Variants in RORA observed in about 807,000 individuals in gnomAD.
RORA encodes the protein RAR related orphan receptor A.
RORA carries 7 observed loss-of-function variants against 69.5 expected under a neutral mutation model. The ratio of observed to expected loss-of-function variants is 0.10; its 90% CI spans 0.06 to 0.19. The LOEUF (loss-of-function observed/expected upper bound fraction) is 0.19, where lower values mean the gene tolerates loss of function less well. Ranked by LOEUF, RORA falls within the 10% of genes least tolerant of loss-of-function variation. The pLI is 1.00. For synonymous variants in RORA, 261 were observed against 240.8 expected, an observed-to-expected ratio of 1.08 and a Z score of -0.78; for missense variants, 457 against 663.0, an observed-to-expected ratio of 0.69 and a Z score of 3.41.
chr15:61,004,378 GTTT>G (rs35632839), intron 1 of RORA, among the ~76,000 whole-genome samples: 11 of 145,020 alleles, frequency 7.6e-5, no homozygotes, highest in African/African-American at 2.0e-4. Flanking sequence ...GAGTCTGAAT[GTTT>G]TTTTTTTTTT....
At chr15:60,670,859 A>AAAT (rs2140734961) in intron 2 of RORA, among the ~76,000 whole-genome samples, 1 of 152,084 alleles carries the variant, frequency 6.6e-6, no homozygotes, top group Non-Finnish European at 1.5e-5. Flanking sequence ...ATTTAGTGTC[A>AAAT]TCACTGAAAG....
intron 2 of RORA, among the ~76,000 whole-genome samples, chr15:60,660,980 G>A (rs2070294636): frequency 6.6e-6 from 1 of 151,142 alleles, no homozygotes; most frequent in South Asian, 2.1e-4. Flanking sequence ...GTGTTTTCCT[G>A]GACAGCTGCC....
chr15:60,541,939 T>G (rs921602680), intron 2 of RORA, among the ~76,000 whole-genome samples: 3 of 152,228 alleles, frequency 2.0e-5, no homozygotes, highest in Non-Finnish European at 4.4e-5. Context: ...TCCAAGGTGC[T>G]TCTTTTGCCT....
intron 2 of RORA, among the ~76,000 whole-genome samples, chr15:60,579,909 G>A (rs1450135230): frequency 8.5e-5 from 13 of 152,140 alleles, no homozygotes; most frequent in African/African-American, 2.9e-4. Flanking sequence ...TAGTAACACA[G>A]TTGTGTTTAT....
chr15:60,970,943 G>A lies in RORA; in HGVS notation c.166+258110C>T, dbSNP rs1893695459. ...AGAGACAGAAACATTCCTGAGCCAC[G>A]TGCAATCATCACTTATAGCAGGGGT... On this transcript the variant is annotated intron_variant, in intron 1 of 10. Transcript: ENST00000335670. Among the ~76,000 whole-genome samples, 2 of 152,184 alleles carry A rather than the reference G, an allele frequency of 1.3e-5. 1 individual carries two copies. The highest frequency in any genetic ancestry group is 1.3e-4 in the Admixed American group (2 of 15,282).
At chr15:61,158,361 G>A (rs1007814377) in intron 1 of RORA, among the ~76,000 whole-genome samples, 6 of 152,180 alleles carry the variant, frequency 3.9e-5, no homozygotes, top group African/African-American at 1.4e-4. Flanking sequence ...CAAGTTGTGG[G>A]TTCTCAACTT....
intron 1 of RORA, among the ~76,000 whole-genome samples, chr15:60,694,829 G>C (rs1470869182): frequency 6.6e-6 from 1 of 152,168 alleles, no homozygotes; most frequent in East Asian, 1.9e-4. Flanking sequence ...TAATTTCAGA[G>C]CTGTCACTAA....
intron 1 of RORA, among the ~76,000 whole-genome samples, chr15:61,120,027 A>G (rs1421483034): frequency 6.6e-6 from 1 of 152,178 alleles, no homozygotes; most frequent in Non-Finnish European, 1.5e-5. Context: ...AAAAACACAC[A>G]GTACGTTTTG....
intron 1 of RORA, among the ~76,000 whole-genome samples, chr15:61,197,379 C>G (rs945213503): frequency 1.3e-5 from 2 of 152,198 alleles, no homozygotes; most frequent in Admixed American, 6.5e-5. Flanking sequence ...TGTGGAGAAG[C>G]CTGCCAAGAG....
At chr15:60,512,782 T>C (rs1482235523) in intron 4 of RORA, among the ~76,000 whole-genome samples, 1 of 152,242 alleles carries the variant, frequency 6.6e-6, no homozygotes, top group Non-Finnish European at 1.5e-5. Flanking sequence ...GTCACTATAA[T>C]GAATAACTTT....
chr15:60,724,429 G>A (rs1043881198), intron 1 of RORA, among the ~76,000 whole-genome samples: 1 of 152,172 alleles, frequency 6.6e-6, no homozygotes, highest in Non-Finnish European at 1.5e-5. Flanking sequence ...GTATGTGGTA[G>A]AACCAAGATT....
At chr15:60,659,130 G>C (rs965892221) in intron 2 of RORA, among the ~76,000 whole-genome samples, 1 of 152,184 alleles carries the variant, frequency 6.6e-6, no homozygotes, top group African/African-American at 2.4e-5. Flanking sequence ...AAGATAATTT[G>C]GGGCCACACT....
intron 1 of RORA, among the ~76,000 whole-genome samples, chr15:60,761,163 G>A (rs911521873): frequency 6.6e-6 from 1 of 152,116 alleles, no homozygotes; most frequent in Non-Finnish European, 1.5e-5. Flanking sequence ...GGGCGACATT[G>A]CCTCTTCGAA....
intron 1 of RORA, among the ~76,000 whole-genome samples, chr15:61,142,767 T>C (rs148841783): frequency 1.3e-5 from 2 of 152,158 alleles, no homozygotes; most frequent in Non-Finnish European, 2.9e-5. Context: ...CCTATAATCA[T>C]CTTCACGGGT....
intron 2 of RORA, chr15:60,627,615 G>C: frequency 2.6e-6 from 2 of 776,676 alleles, no homozygotes; most frequent in Non-Finnish European, 3.1e-6. Flanking sequence ...TCCAAAGCTG[G>C]GCTCCTCTCT....
Position 60,621,158 on chromosome 15 carries a change from T to C in RORA, c.196+57499A>G, listed in dbSNP as rs1476565339. Among the ~76,000 whole-genome samples, 3 of 152,300 alleles carry C rather than the reference T, an allele frequency of 2.0e-5. No individual in the cohort carries two copies. The South Asian group carries it at 6.2e-4, about 32-fold the overall frequency. ...CTAAGATGTTCCTAAGAAGAACTTA[T>C]AATTTCACCCACTGTATTGTGTATC... On this transcript the variant is annotated intron_variant, in intron 2 of 10. Coordinates refer to ENST00000335670, the MANE Select transcript of RORA (RefSeq NM_134261.3).
rs147758435 is a variant in RORA at position 61,021,666 on chromosome 15, C to T, written c.166+207387G>A. Among the ~76,000 whole-genome samples, 536 of 152,292 alleles carry T rather than the reference C, an allele frequency of 3.5e-3. 2 individuals carry two copies. Among genetic ancestry groups the T allele is most frequent in the South Asian group, 0.026 (126 of 4,826 alleles). ...TGAAGAGGATCTTGCCTGCAATCCC[C>T]GGACCAGATGCACAATTCTCTTCCT... On this transcript the variant is annotated intron_variant, in intron 1 of 10. Coordinates refer to ENST00000335670, the MANE Select transcript of RORA (RefSeq NM_134261.3).
At chr15:61,056,183 C>T (rs992802044) in intron 1 of RORA, among the ~76,000 whole-genome samples, 5 of 152,018 alleles carry the variant, frequency 3.3e-5, no homozygotes, top group African/African-American at 2.4e-5. Context: ...TAGTGAGCAC[C>T]CGTTTTGGAG....
At chr15:60,586,458 G>A (rs1252601999) in intron 2 of RORA, among the ~76,000 whole-genome samples, 1 of 151,432 alleles carries the variant, frequency 6.6e-6, no homozygotes, top group Non-Finnish European at 1.5e-5. Flanking sequence ...TTAGAGGGGT[G>A]TGTGTGTGTG....
Sources: gnomAD v4.1 joint callset for allele counts (sites outside exome capture counted in the v4.1 genomes callset) on GRCh38, gnomAD v4.1.1 for gene constraint, MANE v1.5 for transcripts, NCBI Gene and HGNC (gene_info 2026-07-23, HGNC 2026-07-21) for gene names.